The following TRPM3 variants were observed in gnomAD, a reference collection of about 807,000 sequenced individuals.
The protein encoded by TRPM3 is transient receptor potential cation channel subfamily M member 3, also known as long transient receptor potential channel 3.
In TRPM3, 77 loss-of-function variants were observed where a neutral mutation model predicts 181.2. The observed-to-expected ratio is 0.42, with a 90% CI of 0.35 to 0.51. TRPM3 has a LOEUF of 0.51. TRPM3 is among the 20% of genes least tolerant of loss of function. The probability of loss-of-function intolerance (pLI) is 0.01; values close to 1 mark genes in which losing one functional copy is unlikely to be tolerated. For synonymous variants in TRPM3, 745 were observed against 796.4 expected (o/e 0.94, Z 1.09); for missense variants, 1,759 against 2,196.7 (o/e 0.80, Z 3.98).
intron 1 of TRPM3, among the ~76,000 whole-genome samples, chr9:71,432,667 G>A (rs919078228): frequency 2.0e-5 from 3 of 152,030 alleles, no homozygotes; most frequent in African/African-American, 4.8e-5. Context: ...AATGGCTGTC[G>A]ATAATTTAGA....
rs117218491 is a variant in TRPM3 at position 71,046,662 on chromosome 9, G to A, written c.177+74516C>T. 4.9e-3 allele frequency among the ~76,000 whole-genome samples: 749 copies of A among 152,120 alleles called. 17 individuals carry two copies. The East Asian group carries it at 0.077, about 16-fold the overall frequency. The stretch of plus-strand genomic sequence containing the variant: ...CACTTATTGAGATATTTTTTTCCTG[G>A]AGGAATCTTCTTAACAATTAAAGGA... On this transcript the variant is annotated intron_variant, in intron 1 of 25. Coordinates refer to ENST00000677713, the MANE Select transcript of TRPM3 (RefSeq NM_001366145.2).
intron 1 of TRPM3, among the ~76,000 whole-genome samples, chr9:71,134,646 T>A (rs2074654869): frequency 6.6e-6 from 1 of 152,110 alleles, no homozygotes; most frequent in South Asian, 2.1e-4. Context: ...GTCACCTTAG[T>A]CTTACAAATT....
chr9:70,970,104 CTT>C (rs1295248028), intron 1 of TRPM3, among the ~76,000 whole-genome samples: 2 of 152,136 alleles, frequency 1.3e-5, no homozygotes, highest in Non-Finnish European at 2.9e-5. Context: ...TACTGTATAA[CTT>C]GTATAAATTA....
At chr9:71,077,420 C>T (rs530033922) in intron 1 of TRPM3, among the ~76,000 whole-genome samples, 37 of 152,338 alleles carry the variant, frequency 2.4e-4, no homozygotes, top group African/African-American at 8.4e-4. Context: ...TCATCACACA[C>T]TCCTCAATCC....
intron 21 of TRPM3, among the ~76,000 whole-genome samples, chr9:70,594,690 G>C (rs540655110): frequency 6.6e-6 from 1 of 152,256 alleles, no homozygotes; most frequent in South Asian, 2.1e-4. Flanking sequence ...ATTATGCAAA[G>C]ACTCATAGTA....
chr9:70,953,787 G>A (rs1017871825), intron 1 of TRPM3, among the ~76,000 whole-genome samples: 3 of 152,132 alleles, frequency 2.0e-5, no homozygotes, highest in South Asian at 2.1e-4. Context: ...AAGGTAGGCC[G>A]GAAAGACCAA....
intron 1 of TRPM3, among the ~76,000 whole-genome samples, chr9:70,925,238 C>T (rs1242517611): frequency 6.6e-6 from 1 of 152,154 alleles, no homozygotes; most frequent in East Asian, 1.9e-4. Context: ...GTCTACTTTG[C>T]ACATTGGTAT....
chr9:71,208,111 C>G (rs977946639), intron 1 of TRPM3, among the ~76,000 whole-genome samples: 2 of 152,072 alleles, frequency 1.3e-5, no homozygotes, highest in African/African-American at 4.8e-5. Context: ...GGAAAGAGAA[C>G]TGGAAAAGAA....
chr9:71,115,634 G>T (rs2072185521), intron 1 of TRPM3, among the ~76,000 whole-genome samples: 1 of 152,168 alleles, frequency 6.6e-6, no homozygotes, highest in Non-Finnish European at 1.5e-5. Flanking sequence ...GGACAGCAGG[G>T]CCCTTTCCCC....
chr9:70,988,357 C>A (rs929277697), intron 1 of TRPM3, among the ~76,000 whole-genome samples: 2 of 152,134 alleles, frequency 1.3e-5, no homozygotes, highest in East Asian at 1.9e-4. Flanking sequence ...ACCTAAGAAG[C>A]CTTCATTGTC....
intron 1 of TRPM3, among the ~76,000 whole-genome samples, chr9:71,178,220 T>C (rs951757804): frequency 5.9e-5 from 9 of 152,166 alleles, no homozygotes; most frequent in Admixed American, 2.6e-4. Flanking sequence ...GCATATGTCA[T>C]AGTCTTTCAC....
chr9:71,272,792 G>A (rs1440194836), intron 1 of TRPM3, among the ~76,000 whole-genome samples: 2 of 151,806 alleles, frequency 1.3e-5, no homozygotes, highest in Non-Finnish European at 2.9e-5. Flanking sequence ...GAACTCAAAT[G>A]CATAATTCTA....
chr9:70,556,360 A>G lies in TRPM3; in HGVS notation c.3224-3050T>C, dbSNP rs539535111. ...GTATTAATTTATTCCAGCCTCCCCC[A>G]CCTTTTACTCATCCTGCTTTAACAG... On this transcript the variant is annotated intron_variant, in intron 22 of 25. Coordinates refer to ENST00000677713, the MANE Select transcript of TRPM3 (RefSeq NM_001366145.2). 6.6e-5 allele frequency among the ~76,000 whole-genome samples: 10 copies of G among 151,078 alleles called. No homozygotes were observed. In the South Asian group the frequency reaches 1.9e-3, roughly 28 times the overall value.
chr9:71,281,784 A>T (rs1303008100), intron 1 of TRPM3, among the ~76,000 whole-genome samples: 1 of 152,208 alleles, frequency 6.6e-6, no homozygotes, highest in Admixed American at 6.5e-5. Flanking sequence ...AATTGTGGCC[A>T]GGTGCGGTGG....
intron 1 of TRPM3, among the ~76,000 whole-genome samples, chr9:71,303,262 A>G (rs2086944625): frequency 6.6e-6 from 1 of 152,240 alleles, no homozygotes; most frequent in African/African-American, 2.4e-5. Context: ...AATTACTGTG[A>G]AAAGGTAAGA....
At chr9:71,243,020 CCAGAGA>C (rs1481008952) in intron 1 of TRPM3, among the ~76,000 whole-genome samples, 3 of 152,070 alleles carry the variant, frequency 2.0e-5, no homozygotes, top group Admixed American at 6.6e-5. Flanking sequence ...AGAGCCAGAG[CCAGAGA>C]CTTTGCACCT....
At chr9:71,428,033 GA>G (rs1338703558) in intron 1 of TRPM3, among the ~76,000 whole-genome samples, 1 of 152,194 alleles carries the variant, frequency 6.6e-6, no homozygotes, top group Admixed American at 6.5e-5. Flanking sequence ...TACAGAGATA[GA>G]AAGTTCACAG....
At chr9:70,545,958 A>T (rs2044769014) in intron 25 of TRPM3, among the ~76,000 whole-genome samples, 1 of 152,166 alleles carries the variant, frequency 6.6e-6, no homozygotes, top group Admixed American at 6.5e-5. Flanking sequence ...GTGTAACCAG[A>T]GAATGCATTC....
At chr9:70,597,401 C>T (rs1438263148) in intron 21 of TRPM3, among the ~76,000 whole-genome samples, 1 of 152,128 alleles carries the variant, frequency 6.6e-6, no homozygotes, top group Non-Finnish European at 1.5e-5. Context: ...AAGAGGTGTT[C>T]GTCATGGTAG....
Sources: gnomAD v4.1 joint callset for allele counts (sites outside exome capture counted in the v4.1 genomes callset) on GRCh38, gnomAD v4.1.1 for gene constraint, MANE v1.5 for transcripts, NCBI Gene and HGNC (gene_info 2026-07-23, HGNC 2026-07-21) for gene names.